Variants in MCTP1 observed in about 807,000 individuals in gnomAD.
MCTP1 encodes the protein multiple C2 and transmembrane domain containing 1, also known as multiple C2 and transmembrane domain-containing protein 1.
A neutral mutation model predicts 120.6 loss-of-function variants in MCTP1; 69 were observed. That is an observed-to-expected ratio of 0.57 (90% CI 0.47 to 0.70). The LOEUF (loss-of-function observed/expected upper bound fraction) is 0.70, where lower values mean the gene tolerates loss of function less well. MCTP1 is among the 30% of genes least tolerant of loss of function. The probability of loss-of-function intolerance (pLI) is 0.00; values close to 1 mark genes in which losing one functional copy is unlikely to be tolerated. For missense variants in MCTP1, 1,203 were observed against 1,248.8 expected, an observed-to-expected ratio of 0.96 and a Z score of 0.55; for synonymous variants, 529 against 493.1, an observed-to-expected ratio of 1.07 and a Z score of -0.96.
At chr5:95,075,664 T>C (rs1379013670) in intron 1 of MCTP1, among the ~76,000 whole-genome samples, 1 of 152,226 alleles carries the variant, frequency 6.6e-6, no homozygotes, top group Non-Finnish European at 1.5e-5. Context: ...CCATGTGGTC[T>C]AAAACTTGTG....
chr5:95,202,038 T>C (rs960254961), intron 1 of MCTP1, among the ~76,000 whole-genome samples: 1 of 152,108 alleles, frequency 6.6e-6, no homozygotes, highest in Non-Finnish European at 1.5e-5. Context: ...TGGTGAAGCA[T>C]TGTTTCTAGG....
intron 17 of MCTP1, chr5:94,826,046 G>A (rs562700083): frequency 1.6e-5 from 5 of 320,208 alleles, no homozygotes; most frequent in African/African-American, 6.6e-5. Flanking sequence ...CTTCATTCTG[G>A]CTCGTGGAGA....
At chr5:94,827,375 G>A (rs1443650211) in intron 17 of MCTP1, among the ~76,000 whole-genome samples, 1 of 152,256 alleles carries the variant, frequency 6.6e-6, no homozygotes, top group Non-Finnish European at 1.5e-5. Context: ...TGGGTAACCC[G>A]ATCTTTCTCT....
At chr5:94,929,715 C>T (rs1814068133) in intron 6 of MCTP1, 1 of 980,258 alleles carries the variant, frequency 1.0e-6, no homozygotes, top group African/African-American at 1.8e-5. Flanking sequence ...GGAAGGTGGA[C>T]TAGCTAGTAA....
chr5:95,140,671 C>T (rs560802072), intron 1 of MCTP1, among the ~76,000 whole-genome samples: 2 of 115,916 alleles, frequency 1.7e-5, no homozygotes, highest in African/African-American at 6.6e-5. Flanking sequence ...TCCTGGCTAA[C>T]ACCGTGAAAC....
intron 5 of MCTP1, among the ~76,000 whole-genome samples, chr5:94,937,322 A>C (rs1816435155): frequency 6.6e-6 from 1 of 152,084 alleles, no homozygotes; most frequent in African/African-American, 2.4e-5. Context: ...ATTTCTTCCA[A>C]AAAATCTGGG....
At chr5:95,139,838 TAATA>T (rs1202170392) in intron 1 of MCTP1, among the ~76,000 whole-genome samples, 1 of 152,206 alleles carries the variant, frequency 6.6e-6, no homozygotes, top group Non-Finnish European at 1.5e-5. Context: ...GCATAGGGCT[TAATA>T]AATGGTTGAA....
intron 1 of MCTP1, among the ~76,000 whole-genome samples, chr5:95,043,680 G>A (rs1351610198): frequency 2.0e-5 from 3 of 152,214 alleles, no homozygotes; most frequent in African/African-American, 4.8e-5. Context: ...AATTACTAGT[G>A]AGACTGTCTT....
At chr5:95,172,169 G>A (rs1039939605) in intron 1 of MCTP1, among the ~76,000 whole-genome samples, 9 of 152,184 alleles carry the variant, frequency 5.9e-5, no homozygotes, top group South Asian at 2.1e-4. Context: ...TTTGCTGGAG[G>A]TCCACTCCAG....
intron 17 of MCTP1, among the ~76,000 whole-genome samples, chr5:94,805,638 T>C (rs1042306855): frequency 1.3e-5 from 2 of 151,688 alleles, no homozygotes; most frequent in Non-Finnish European, 2.9e-5. Flanking sequence ...AAAAAATATA[T>C]GTAACACTAT....
rs1045697802 is a variant in MCTP1, at chr5:95,215,933, CA to C, written c.720+67922del. On this transcript the variant is annotated intron_variant, in intron 1 of 22. Transcript: ENST00000515393. ...CTAAAGAATTCAAAACAAAAATATACAAACAAGAAAACCTTTATTCTATCTA... is the reference window on the plus strand; with the variant it reads ...CTAAAGAATTCAAAACAAAAATATACAACAAGAAAACCTTTATTCTATCTA... 1.7e-4 allele frequency among the ~76,000 whole-genome samples: 26 copies of C among 152,050 alleles called. 1 individual carries two copies. Among genetic ancestry groups the C allele is most frequent in the African/African-American group, 5.6e-4 (23 of 41,402 alleles).
chr5:95,108,051 T>A (rs928120215), intron 1 of MCTP1, among the ~76,000 whole-genome samples: 2 of 152,154 alleles, frequency 1.3e-5, no homozygotes, highest in African/African-American at 4.8e-5. Context: ...TGTGGTTACA[T>A]CAAGGTGCAG....
intron 1 of MCTP1, among the ~76,000 whole-genome samples, chr5:95,177,662 G>A (rs1748164800): frequency 6.6e-6 from 1 of 152,216 alleles, no homozygotes; most frequent in Non-Finnish European, 1.5e-5. Flanking sequence ...CACTGATCAA[G>A]TTGCACATTC....
chr5:94,827,795 G>T (rs1175650095), intron 17 of MCTP1, among the ~76,000 whole-genome samples: 1 of 151,102 alleles, frequency 6.6e-6, no homozygotes, highest in East Asian at 2.0e-4. Context: ...AAGTTCTTGT[G>T]GTGTGTTTTT....
At position 94,706,001 on chromosome 5, in the gene MCTP1, C is replaced by G. The variant is rs1754480572; in HGVS notation, c.*1495G>C. ...TTCTATTATAAGAAATAGTATTTAA[C>G]AACTTATCTCTAAAATAAAAATACT... On this transcript the variant is annotated 3_prime_UTR_variant, in exon 23 of 23. Transcript: ENST00000515393. 1 of 151,576 alleles carries G rather than the reference C, an allele frequency of 6.6e-6. No homozygotes were observed. Among genetic ancestry groups the G allele is most frequent in the African/African-American group, 2.4e-5 (1 of 41,346 alleles). The allele number at this position is 151,576 out of a possible 1,614,324, so 9.4% of individuals were successfully genotyped here.
intron 1 of MCTP1, among the ~76,000 whole-genome samples, chr5:95,046,490 AT>A (rs1562070985): frequency 6.6e-6 from 1 of 152,088 alleles, no homozygotes; most frequent in Non-Finnish European, 1.5e-5. Context: ...TCTATTCTTC[AT>A]TTTTGTCAAG....
intron 1 of MCTP1, among the ~76,000 whole-genome samples, chr5:95,020,347 T>C (rs1424407464): frequency 6.6e-6 from 1 of 152,140 alleles, no homozygotes; most frequent in Non-Finnish European, 1.5e-5. Context: ...TTTTCACTTC[T>C]GCAGTTTCAG....
At chr5:95,057,923 T>C (rs1487324838) in intron 1 of MCTP1, among the ~76,000 whole-genome samples, 1 of 152,212 alleles carries the variant, frequency 6.6e-6, no homozygotes, top group African/African-American at 2.4e-5. Context: ...CTCCATTTCA[T>C]AGAACTTATT....
chr5:94,999,750 C>T (rs2153633104), intron 2 of MCTP1, among the ~76,000 whole-genome samples: 1 of 152,300 alleles, frequency 6.6e-6, no homozygotes, highest in South Asian at 2.1e-4. Context: ...CTCAGAATCT[C>T]TTTAAGAAAT....
Sources: allele counts gnomAD v4.1 joint callset (sites outside exome capture counted in the v4.1 genomes callset), GRCh38; gene constraint gnomAD v4.1.1; transcripts MANE v1.5; gene names NCBI Gene and HGNC (gene_info 2026-07-23, HGNC 2026-07-21).